Variants in MACROD2 observed in about 807,000 individuals in gnomAD.
MACROD2 encodes ADP-ribose glycohydrolase MACROD2.
MACROD2 carries 36 observed loss-of-function variants against 70.4 expected under a neutral mutation model. The ratio of observed to expected loss-of-function variants is 0.51; its 90% confidence interval spans 0.39 to 0.68. MACROD2 has a LOEUF of 0.68. Among genes scored for constraint, MACROD2 ranks in the 30% least tolerant of loss-of-function variants. MACROD2 has a pLI of 0.00. For missense variants in MACROD2, 496 were observed against 538.4 expected (o/e 0.92, Z 0.78); for synonymous variants, 172 against 178.8 (o/e 0.96, Z 0.30).
At chr20:14,341,622 A>G (rs2083013838) in intron 3 of MACROD2, among the ~76,000 whole-genome samples, 1 of 152,242 alleles carries the variant, frequency 6.6e-6, no homozygotes, top group Non-Finnish European at 1.5e-5. Flanking sequence ...TGGGCAGTAC[A>G]AGCGAAACTC....
At chr20:14,510,019 G>C (rs918352822) in intron 4 of MACROD2, among the ~76,000 whole-genome samples, 1 of 152,096 alleles carries the variant, frequency 6.6e-6, no homozygotes, top group Non-Finnish European at 1.5e-5. Context: ...GCAAAACATA[G>C]TTAAAATATT....
At chr20:16,032,377 T>C (rs751763706) in intron 15 of MACROD2, among the ~76,000 whole-genome samples, 3 of 152,138 alleles carry the variant, frequency 2.0e-5, no homozygotes, top group Non-Finnish European at 4.4e-5. Flanking sequence ...AATCTGCACA[T>C]GTACCCCTGT....
intron 5 of MACROD2, among the ~76,000 whole-genome samples, chr20:14,930,852 A>G (rs1449572651): frequency 2.3e-5 from 3 of 129,322 alleles, no homozygotes; most frequent in Non-Finnish European, 4.9e-5. Context: ...AATTATGGCA[A>G]TTTTTTTAAG....
At chr20:15,211,145 C>A (rs148780256) in intron 5 of MACROD2, among the ~76,000 whole-genome samples, 1 of 152,130 alleles carries the variant, frequency 6.6e-6, no homozygotes, top group African/African-American at 2.4e-5. Context: ...TACATTCTGC[C>A]TCTGTGGATT....
At chr20:14,641,312 G>A (rs556201370) in intron 4 of MACROD2, among the ~76,000 whole-genome samples, 1 of 152,162 alleles carries the variant, frequency 6.6e-6, no homozygotes, top group East Asian at 1.9e-4. Flanking sequence ...CACCACATCT[G>A]CAGACTTCCT....
At chr20:15,447,380 C>A (rs1600423565) in intron 7 of MACROD2, among the ~76,000 whole-genome samples, 4 of 152,274 alleles carry the variant, frequency 2.6e-5, no homozygotes, top group Admixed American at 6.5e-5. Flanking sequence ...GTGTTCTTTG[C>A]CTCCTCTTCA....
At chr20:14,615,793 A>T (rs1346655670) in intron 4 of MACROD2, among the ~76,000 whole-genome samples, 1 of 152,144 alleles carries the variant, frequency 6.6e-6, no homozygotes, top group African/African-American at 2.4e-5. Flanking sequence ...AATAAACTAC[A>T]CTAAGGATCA....
intron 3 of MACROD2, among the ~76,000 whole-genome samples, chr20:14,388,071 A>G (rs946686771): frequency 2.0e-4 from 29 of 148,452 alleles, no homozygotes; most frequent in Non-Finnish European, 3.7e-4. Flanking sequence ...GTGCAGTGGC[A>G]TGATCTTGGC....
chr20:15,751,332 C>T (rs567130420), intron 8 of MACROD2, among the ~76,000 whole-genome samples: 1 of 151,970 alleles, frequency 6.6e-6, no homozygotes, highest in Admixed American at 6.6e-5. Context: ...CTAATGTTTA[C>T]CCACAGTAAA....
chr20:15,039,145 G>GT (rs796600769), intron 5 of MACROD2, among the ~76,000 whole-genome samples: 5 of 152,088 alleles, frequency 3.3e-5, no homozygotes, highest in South Asian at 2.1e-4. Flanking sequence ...GGAAAACTGT[G>GT]TTTTTTTAAT....
At chr20:14,569,012 A>C (rs1267360092) in intron 4 of MACROD2, among the ~76,000 whole-genome samples, 2 of 152,078 alleles carry the variant, frequency 1.3e-5, no homozygotes, top group Admixed American at 1.3e-4. Flanking sequence ...AGTGCCAAGG[A>C]GAGATATTCT....
rs1427120428 is a variant in MACROD2 at position 14,754,381 on chromosome 20, A to G, written c.418+69422A>G. ...TGCATCTAATTCAGTCTCAGACCTC[A>G]GCTTCCAAGAGATGTTATTAACTGT... On this transcript the variant is annotated intron_variant, in intron 5 of 17. Transcript: ENST00000684519. 1.3e-5 allele frequency among the ~76,000 whole-genome samples: 2 copies of G among 152,174 alleles called. 1 individual carries two copies. Among genetic ancestry groups the G allele is most frequent in the African/African-American group, 4.8e-5 (2 of 41,434 alleles).
chr20:15,219,656 C>G (rs1480174633), intron 5 of MACROD2, among the ~76,000 whole-genome samples: 1 of 152,092 alleles, frequency 6.6e-6, no homozygotes, highest in Non-Finnish European at 1.5e-5. Flanking sequence ...GGAGTGAAGA[C>G]GTAGAGCCTA....
rs540470638 is a variant in MACROD2 at position 14,193,613 on chromosome 20, C to T, written c.271+107885C>T. 2.6e-4 allele frequency among the ~76,000 whole-genome samples: 39 copies of T among 152,168 alleles called. No individual in the cohort carries two copies. In the South Asian group the frequency reaches 7.5e-3, roughly 29 times the overall value. On this transcript the variant is annotated intron_variant, in intron 3 of 17. Coordinates refer to ENST00000684519, the MANE Select transcript of MACROD2 (RefSeq NM_001351661.2). ...ATCAATGGGAAGAAGTAGTGTTGCC[C>T]GGGTCAAGTAAGAACTTGAGTCCTG...
intron 3 of MACROD2, among the ~76,000 whole-genome samples, chr20:14,105,487 G>C (rs1461434833): frequency 6.6e-6 from 1 of 152,210 alleles, no homozygotes; most frequent in Non-Finnish European, 1.5e-5. Context: ...GCCCATCCCA[G>C]TGTTCAGAAT....
intron 12 of MACROD2, among the ~76,000 whole-genome samples, chr20:15,958,711 G>T (rs150039266): frequency 6.6e-6 from 1 of 152,204 alleles, no homozygotes; most frequent in Non-Finnish European, 1.5e-5. Context: ...ATATGTTGAA[G>T]CCCTAACCTC....
At chr20:15,954,962 A>G (rs1214733566) in intron 12 of MACROD2, among the ~76,000 whole-genome samples, 1 of 152,222 alleles carries the variant, frequency 6.6e-6, no homozygotes, top group Non-Finnish European at 1.5e-5. Flanking sequence ...CTGAGGCCAC[A>G]TAACTAGGTT....
chr20:15,390,277 C>T (rs1232033288), intron 6 of MACROD2, among the ~76,000 whole-genome samples: 1 of 152,180 alleles, frequency 6.6e-6, no homozygotes, highest in Middle Eastern at 3.2e-3. Context: ...TCAATGTCAG[C>T]TTATCAATGG....
intron 3 of MACROD2, among the ~76,000 whole-genome samples, chr20:14,416,210 G>T (rs2083803241): frequency 6.6e-6 from 1 of 151,990 alleles, no homozygotes; most frequent in Non-Finnish European, 1.5e-5. Flanking sequence ...GCCCTCCTTG[G>T]TCCCCCAAAG....
Sources: allele counts gnomAD v4.1 joint callset (sites outside exome capture counted in the v4.1 genomes callset), GRCh38; gene constraint gnomAD v4.1.1; transcripts MANE v1.5; gene names NCBI Gene and HGNC (gene_info 2026-07-23, HGNC 2026-07-21).